The following PARD3B variants were observed in gnomAD, a reference collection of about 807,000 sequenced individuals.
PARD3B encodes par-3 family cell polarity regulator beta.
A neutral mutation model predicts 130.2 loss-of-function variants in PARD3B; 103 were observed. The ratio of observed to expected loss-of-function variants is 0.79; its 90% CI spans 0.67 to 0.93. The LOEUF (loss-of-function observed/expected upper bound fraction) is 0.93, where lower values mean the gene tolerates loss of function less well. PARD3B is among the 40% of genes least tolerant of loss of function. PARD3B has a pLI of 0.00. For missense variants in PARD3B, 1,609 were observed against 1,499.2 expected, an observed-to-expected ratio of 1.07 and a Z score of -1.21; for synonymous variants, 583 against 553.2, an observed-to-expected ratio of 1.05 and a Z score of -0.76.
At chr2:205,154,698 A>G (rs2033996821) in intron 10 of PARD3B, among the ~76,000 whole-genome samples, 1 of 152,332 alleles carries the variant, frequency 6.6e-6, no homozygotes, top group South Asian at 2.1e-4. Flanking sequence ...CATATACACT[A>G]TGGAATACTA....
intron 2 of PARD3B, among the ~76,000 whole-genome samples, chr2:204,697,290 G>A (rs1350524501): frequency 6.6e-6 from 1 of 152,088 alleles, no homozygotes; most frequent in African/African-American, 2.4e-5. Flanking sequence ...AGTACCTAGT[G>A]TTAAGACTGA....
chr2:205,557,647 C>T (rs577564235), intron 22 of PARD3B, among the ~76,000 whole-genome samples: 10 of 152,248 alleles, frequency 6.6e-5, no homozygotes, highest in South Asian at 4.2e-4. Flanking sequence ...ATTAGAGCCT[C>T]GGTAATAGTG....
At chr2:205,215,655 A>G (rs1432690945) in intron 15 of PARD3B, among the ~76,000 whole-genome samples, 1 of 152,114 alleles carries the variant, frequency 6.6e-6, no homozygotes, top group African/African-American at 2.4e-5. Flanking sequence ...TATATGTTCC[A>G]GTGGTACAGA....
At chr2:205,076,053 T>C (rs61015654) in intron 4 of PARD3B, among the ~76,000 whole-genome samples, 41,523 of 152,032 alleles carry the variant, frequency 0.27, 5,980 homozygotes, top group South Asian at 0.48. Flanking sequence ...CTGTGTCTTA[T>C]GAGAACTTTC....
intron 1 of PARD3B, among the ~76,000 whole-genome samples, chr2:204,650,382 C>A (rs2125167541): frequency 6.6e-6 from 1 of 152,254 alleles, no homozygotes; most frequent in Admixed American, 6.5e-5. Flanking sequence ...TTCAACCCAG[C>A]AATCTCATTA....
intron 18 of PARD3B, among the ~76,000 whole-genome samples, chr2:205,313,397 A>T (rs184091016): frequency 5.7e-4 from 87 of 152,254 alleles, no homozygotes; most frequent in Non-Finnish European, 1.0e-3. Flanking sequence ...ATGTTCATGG[A>T]GGGGCAAGGG....
chr2:205,040,779 T>TA (rs1387314752), intron 3 of PARD3B, among the ~76,000 whole-genome samples: 1 of 152,228 alleles, frequency 6.6e-6, no homozygotes, highest in Non-Finnish European at 1.5e-5. Context: ...ATTTATCTTG[T>TA]TATCCTAAGT....
intron 2 of PARD3B, among the ~76,000 whole-genome samples, chr2:204,788,548 C>T (rs1039816160): frequency 1.3e-5 from 2 of 152,174 alleles, no homozygotes; most frequent in Admixed American, 6.5e-5. Flanking sequence ...ATAACTTTAA[C>T]AGTCTTTGGA....
chr2:205,036,138 A>ATT (rs1297675381), intron 3 of PARD3B, among the ~76,000 whole-genome samples: 1 of 146,164 alleles, frequency 6.8e-6, no homozygotes, highest in African/African-American at 2.5e-5. Flanking sequence ...GTACATATAT[A>ATT]TTATATATAT....
At position 205,379,925 on chromosome 2, in the gene PARD3B, A is replaced by G. The variant is rs534254655; in HGVS notation, c.2631-21088A>G. ...TCTACTAAAAATATAAAAATTATCCAGGCACAGTGGCACGCACCTGTAGTC... is the reference window on the plus strand; with the variant it reads ...TCTACTAAAAATATAAAAATTATCCGGGCACAGTGGCACGCACCTGTAGTC... On this transcript the variant is annotated intron_variant, in intron 18 of 22. Transcript: ENST00000406610. Among the ~76,000 whole-genome samples, 357 of 150,878 alleles carry G rather than the reference A, an allele frequency of 2.4e-3. 1 individual carries two copies. The highest frequency in any genetic ancestry group is 3.8e-3 in the Non-Finnish European group (258 of 67,838).
intron 1 of PARD3B, among the ~76,000 whole-genome samples, chr2:204,647,059 C>G (rs2035300025): frequency 6.6e-6 from 1 of 151,886 alleles, no homozygotes; most frequent in Admixed American, 6.6e-5. Flanking sequence ...ATGCTTATTG[C>G]TTTTACACCA....
At chr2:204,932,344 A>T (rs140994327) in intron 2 of PARD3B, among the ~76,000 whole-genome samples, 398 of 152,052 alleles carry the variant, frequency 2.6e-3, no homozygotes, top group African/African-American at 8.8e-3. Context: ...CTCTTATTTC[A>T]TTTTTTTCTT....
At chr2:204,698,674 A>G (rs2037733854) in intron 2 of PARD3B, among the ~76,000 whole-genome samples, 2 of 151,974 alleles carry the variant, frequency 1.3e-5, no homozygotes, top group African/African-American at 2.4e-5. Context: ...CCAATATTCT[A>G]GTGACTGGGA....
chr2:204,874,058 G>C (rs912686278), intron 2 of PARD3B, among the ~76,000 whole-genome samples: 2 of 152,134 alleles, frequency 1.3e-5, no homozygotes, highest in Non-Finnish European at 2.9e-5. Context: ...CAGGAGAATT[G>C]CTTAAACCTG....
At chr2:205,441,539 A>G (rs1170479358) in intron 20 of PARD3B, among the ~76,000 whole-genome samples, 1 of 152,188 alleles carries the variant, frequency 6.6e-6, no homozygotes, top group African/African-American at 2.4e-5. Context: ...GCAGGCACAG[A>G]GGGCTCTCAT....
intron 18 of PARD3B, among the ~76,000 whole-genome samples, chr2:205,317,303 T>C (rs2042595427): frequency 6.6e-6 from 1 of 152,202 alleles, no homozygotes; most frequent in African/African-American, 2.4e-5. Flanking sequence ...ATTATCATCA[T>C]GGTCATCATG....
chr2:205,532,685 C>CA (rs2051654791), intron 21 of PARD3B, among the ~76,000 whole-genome samples: 1 of 152,162 alleles, frequency 6.6e-6, no homozygotes, highest in Admixed American at 6.6e-5. Context: ...ATCAGGAGGG[C>CA]AAAATCTGAG....
At chr2:205,445,304 A>G (rs1401561578) in intron 20 of PARD3B, among the ~76,000 whole-genome samples, 1 of 152,194 alleles carries the variant, frequency 6.6e-6, no homozygotes, top group East Asian at 1.9e-4. Flanking sequence ...GTATTAGTCC[A>G]TTCTCGCACT....
intron 15 of PARD3B, among the ~76,000 whole-genome samples, chr2:205,242,694 C>T (rs939569528): frequency 1.3e-5 from 2 of 152,172 alleles, no homozygotes; most frequent in Middle Eastern, 3.2e-3. Flanking sequence ...ACCCCACAAC[C>T]GTCATCAAAT....
Sources: allele counts gnomAD v4.1 joint callset (sites outside exome capture counted in the v4.1 genomes callset), GRCh38; gene constraint gnomAD v4.1.1; transcripts MANE v1.5; gene names NCBI Gene and HGNC (gene_info 2026-07-23, HGNC 2026-07-21).